The following GPC5 variants were observed in gnomAD, a reference collection of about 807,000 sequenced individuals.
The protein encoded by GPC5 is glypican 5, also known as glypican-5.
A neutral mutation model predicts 53.9 loss-of-function variants in GPC5; 47 were observed. That is an observed-to-expected ratio of 0.87 (90% CI 0.69 to 1.11). GPC5 has a LOEUF of 1.11. Ranked by LOEUF, GPC5 falls within the 50% of genes most tolerant of loss-of-function variation. The probability of loss-of-function intolerance (pLI) is 0.00; values close to 1 mark genes in which losing one functional copy is unlikely to be tolerated. For synonymous variants in GPC5, 286 were observed against 263.3 expected (o/e 1.09, Z -0.84); for missense variants, 748 against 713.1 (o/e 1.05, Z -0.56).
At chr13:92,285,579 T>C (rs992647160) in intron 7 of GPC5, among the ~76,000 whole-genome samples, 1 of 151,996 alleles carries the variant, frequency 6.6e-6, no homozygotes, top group African/African-American at 2.4e-5. Flanking sequence ...CCCTCAGAAA[T>C]AATACCACAC....
chr13:92,452,035 C>T (rs558591668), intron 7 of GPC5, among the ~76,000 whole-genome samples: 2 of 152,224 alleles, frequency 1.3e-5, no homozygotes, highest in South Asian at 4.1e-4. Context: ...AAAACGGATG[C>T]AACTTTCTAG....
intron 5 of GPC5, among the ~76,000 whole-genome samples, chr13:91,843,327 G>T (rs1468168149): frequency 6.6e-6 from 1 of 152,088 alleles, no homozygotes; most frequent in Non-Finnish European, 1.5e-5. Flanking sequence ...AGAATATGTT[G>T]GATGAAATAT....
chr13:92,290,841 T>C (rs2042989037), intron 7 of GPC5, among the ~76,000 whole-genome samples: 1 of 152,164 alleles, frequency 6.6e-6, no homozygotes, highest in African/African-American at 2.4e-5. Context: ...CTTTTTGGGT[T>C]GGCCAGGGCT....
In GPC5 at chr13:91,842,394, C is replaced by T. The variant is rs1043727704; in HGVS notation, c.1281-65543C>T. ...GATATTTTTAAGGAAACTCACAGGG[C>T]AAACTAGATGCTTAAGAATGTTATT... On this transcript the variant is annotated intron_variant, in intron 5 of 7. Coordinates refer to ENST00000377067, the MANE Select transcript of GPC5 (RefSeq NM_004466.6). 2.7e-5 allele frequency among the ~76,000 whole-genome samples: 4 copies of T among 148,516 alleles called. No homozygotes were observed. In the Admixed American group the frequency reaches 2.7e-4, roughly 10 times the overall value.
intron 7 of GPC5, among the ~76,000 whole-genome samples, chr13:92,758,514 T>G (rs1014932174): frequency 6.6e-6 from 1 of 152,098 alleles, no homozygotes; most frequent in Non-Finnish European, 1.5e-5. Flanking sequence ...ATATAGTATG[T>G]GGGAAAAAAT....
intron 7 of GPC5, among the ~76,000 whole-genome samples, chr13:92,297,097 C>T (rs1474223790): frequency 3.9e-5 from 6 of 152,342 alleles, no homozygotes; most frequent in East Asian, 1.9e-4. Context: ...AGCCCCTGTG[C>T]GGGATCCACT....
chr13:91,708,842 G>T (rs965212422), intron 3 of GPC5, among the ~76,000 whole-genome samples: 3 of 152,054 alleles, frequency 2.0e-5, no homozygotes, highest in Non-Finnish European at 4.4e-5. Flanking sequence ...AGACTCAGAG[G>T]AATAATGTGT....
chr13:92,269,979 A>T (rs1177155128), intron 7 of GPC5, among the ~76,000 whole-genome samples: 4 of 152,090 alleles, frequency 2.6e-5, no homozygotes, highest in Non-Finnish European at 5.9e-5. Flanking sequence ...CCTCCGAGTG[A>T]TTTTGTCATG....
chr13:91,489,929 G>A (rs1883840487), intron 2 of GPC5, among the ~76,000 whole-genome samples: 1 of 152,168 alleles, frequency 6.6e-6, no homozygotes, highest in Non-Finnish European at 1.5e-5. Context: ...TTGGAAATTT[G>A]TACCACATGC....
chr13:92,070,955 T>G (rs761123643), intron 6 of GPC5, among the ~76,000 whole-genome samples: 21 of 152,178 alleles, frequency 1.4e-4, no homozygotes, highest in Non-Finnish European at 2.6e-4. Flanking sequence ...TGAAATCTGT[T>G]GGCCAGGAGT....
At chr13:91,564,500 T>C (rs191891371) in intron 2 of GPC5, among the ~76,000 whole-genome samples, 2 of 152,274 alleles carry the variant, frequency 1.3e-5, no homozygotes, top group East Asian at 3.9e-4. Context: ...CAGACAGATA[T>C]GAATAATGTA....
At chr13:92,244,025 C>T (rs1295551032) in intron 7 of GPC5, among the ~76,000 whole-genome samples, 3 of 151,692 alleles carry the variant, frequency 2.0e-5, no homozygotes, top group African/African-American at 7.3e-5. Flanking sequence ...TAGAATGAGG[C>T]ATAGAGATCA....
At chr13:92,175,259 C>T (rs1301817699) in intron 7 of GPC5, among the ~76,000 whole-genome samples, 2 of 152,056 alleles carry the variant, frequency 1.3e-5, no homozygotes, top group African/African-American at 2.4e-5. Context: ...AATGGTGACC[C>T]TGTATGTTTG....
rs1364029911 is a variant in GPC5, at chr13:91,655,971, C to A, written c.326-37216C>A. On this transcript the variant is annotated intron_variant, in intron 2 of 7. Transcript: ENST00000377067. ...AGCCCTGAATAAACAGAAGTCACAACAGAGGCGATGTGCGTATACCCAAGG... is the reference window on the plus strand; with the variant it reads ...AGCCCTGAATAAACAGAAGTCACAAAAGAGGCGATGTGCGTATACCCAAGG... Among the ~76,000 whole-genome samples the A allele has an allele frequency of 2.0e-5, 3 of 152,080 alleles. No individual in the cohort carries two copies. The East Asian group carries it at 5.8e-4, about 29-fold the overall frequency.
rs1566517518 is a variant in GPC5 at position 91,572,192 on chromosome 13, C to CATATGTATATATACGTATATATATAT, written c.326-120994_326-120993insTATGTATATATACGTATATATATATA. ...ATATGTATATATACGTGTGTATACA[C>CATATGTATATATACGTATATATATAT]ACACATATGTATATATACGTGTATA... On this transcript the variant is annotated intron_variant, in intron 2 of 7. Coordinates refer to ENST00000377067, the MANE Select transcript of GPC5 (RefSeq NM_004466.6). 2.2e-4 allele frequency among the ~76,000 whole-genome samples: 24 copies of CATATGTATATATACGTATATATATAT among 110,340 alleles called. 2 individuals carry two copies. Among genetic ancestry groups the CATATGTATATATACGTATATATATAT allele is most frequent in the South Asian group, 8.7e-4 (3 of 3,442 alleles). The allele number at this position is 110,340 out of a possible 152,430, so 72.4% of individuals were successfully genotyped here.
intron 7 of GPC5, among the ~76,000 whole-genome samples, chr13:92,782,836 T>C (rs1876082406): frequency 6.6e-6 from 1 of 152,104 alleles, no homozygotes. Flanking sequence ...ATATAAATTC[T>C]TTTTTTCTTA....
At chr13:92,650,682 T>A (rs1220187880) in intron 7 of GPC5, among the ~76,000 whole-genome samples, 1 of 152,228 alleles carries the variant, frequency 6.6e-6, no homozygotes, top group African/African-American at 2.4e-5. Context: ...TTTATGAAAG[T>A]CCCTATGGAG....
At chr13:92,090,465 C>T (rs1198501291) in intron 6 of GPC5, among the ~76,000 whole-genome samples, 3 of 152,062 alleles carry the variant, frequency 2.0e-5, no homozygotes, top group Non-Finnish European at 4.4e-5. Context: ...ACATGTGGGG[C>T]ACAGGGAAGA....
At chr13:92,846,085 T>C (rs1361042561) in intron 7 of GPC5, among the ~76,000 whole-genome samples, 1 of 152,070 alleles carries the variant, frequency 6.6e-6, no homozygotes, top group East Asian at 1.9e-4. Context: ...TGACTTACAG[T>C]TCTGCAGGGC....
Sources: allele counts gnomAD v4.1 joint callset (sites outside exome capture counted in the v4.1 genomes callset), GRCh38; gene constraint gnomAD v4.1.1; transcripts MANE v1.5; gene names NCBI Gene and HGNC (gene_info 2026-07-23, HGNC 2026-07-21).